CYP46A1: variants seen among roughly 807,000 people sequenced by gnomAD.
The protein encoded by CYP46A1 is cytochrome P450 family 46 subfamily A member 1.
A neutral mutation model predicts 63.3 loss-of-function variants in CYP46A1; 20 were observed. The observed-to-expected ratio is 0.32, with a 90% CI of 0.22 to 0.46. The LOEUF (loss-of-function observed/expected upper bound fraction) is 0.46, where lower values mean the gene tolerates loss of function less well. CYP46A1 is among the 20% of genes least tolerant of loss of function. The pLI, the probability that CYP46A1 is intolerant of heterozygous loss-of-function variation, is 1.00. For synonymous variants in CYP46A1, 268 were observed against 273.6 expected (o/e 0.98, Z 0.20); for missense variants, 445 against 670.8 (o/e 0.66, Z 3.72).
At chr14:99,701,836 A>G (rs36112081) in intron 5 of CYP46A1, among the ~76,000 whole-genome samples, 46,236 of 152,048 alleles carry the variant, frequency 0.3, 7,588 homozygotes, top group South Asian at 0.39. Context: ...TTGGGGGGCC[A>G]AGGCAGGCGG....
chr14:99,699,852 G>A (rs2056615499), intron 4 of CYP46A1, among the ~76,000 whole-genome samples, 163 bp from the exon 5 acceptor site: 1 of 152,106 alleles, frequency 6.6e-6, no homozygotes, highest in Admixed American at 6.6e-5. Flanking sequence ...CACCTTAGAG[G>A]GTACAGTCTA....
chr14:99,691,991 C>G (rs762631689), intron 3 of CYP46A1, 130 bp downstream of exon 3: 1 of 900,874 alleles, frequency 1.1e-6, no homozygotes, highest in Non-Finnish European at 1.7e-6. Flanking sequence ...TCCCAAAGAT[C>G]CAGAAAGGAA....
At chr14:99,703,699 A>C in intron 5 of CYP46A1, 1 of 970,346 alleles carries the variant, frequency 1.0e-6, no homozygotes, top group Non-Finnish European at 1.2e-6. Context: ...TAGTGCTTCC[A>C]TTCATGTCCA....
At position 99,726,766 on chromosome 14, in the gene CYP46A1, C is replaced by A; in HGVS notation, c.*39C>A. 1 of 1,443,790 alleles carries A rather than the reference C, an allele frequency of 6.9e-7. No individual in the cohort carries two copies. The highest frequency in any genetic ancestry group is 9.2e-7 in the Non-Finnish European group (1 of 1,086,886). 89.4% of individuals were successfully genotyped at this position (1,443,790 alleles called of 1,614,324 possible). ...CAGGACGAGACTCCTCGGGCAAGGG[C>A]CGTGCCCGCCCACCTCTGCTGCCCA... On this transcript the variant is annotated 3_prime_UTR_variant, in exon 15 of 15. Coordinates refer to ENST00000261835, the MANE Select transcript of CYP46A1 (RefSeq NM_006668.2).
chr14:99,702,082 A>AAG (rs1338325056), intron 5 of CYP46A1, among the ~76,000 whole-genome samples: 1 of 142,958 alleles, frequency 7.0e-6, no homozygotes, highest in African/African-American at 2.6e-5. Flanking sequence ...AAAAAAAAAA[A>AAG]AAAAAAAAAG....
At chr14:99,703,961 G>A in intron 5 of CYP46A1, 1 of 805,182 alleles carries the variant, frequency 1.2e-6, no homozygotes, top group South Asian at 5.7e-5. Context: ...GGTTGCAAAG[G>A]CCAGCCAAGC....
intron 1 of CYP46A1, among the ~76,000 whole-genome samples, chr14:99,685,195 GTCGGCTGCAT>G (rs1219477483): frequency 6.7e-6 from 1 of 149,834 alleles, no homozygotes. Flanking sequence ...TCTAAATTAA[GTCGGCTGCAT>G]GGCCCGCGAG....
In CYP46A1 at chr14:99,716,062, CAGTT is replaced by C. The variant is rs568500736; in HGVS notation, c.845-69_845-66del. The C allele has an allele frequency of 1.1e-3, 1,801 of 1,610,212 alleles. 3 individuals are homozygous for C. The highest frequency in any genetic ancestry group is 1.4e-3 in the Non-Finnish European group (1,629 of 1,176,534). ...TCTGTTTGGCTTAAGAGGAGAAACA[CAGTT>C]AGTTATTTTATGAGCCATGGGGAAA... On this transcript the variant is annotated intron_variant, in intron 8 of 14. Coordinates refer to ENST00000261835, the MANE Select transcript of CYP46A1 (RefSeq NM_006668.2).
chr14:99,726,964 C>G lies in CYP46A1; in HGVS notation c.*237C>G. On this transcript the variant is annotated 3_prime_UTR_variant, in exon 15 of 15. Coordinates refer to ENST00000261835, the MANE Select transcript of CYP46A1 (RefSeq NM_006668.2). ...CCAACTCCCAGCCACCACCACTGTC[C>G]CTACCACTGAGCCCTTGCACAGGCC... is the stretch of plus-strand genomic sequence containing the variant. 2.4e-6 allele frequency: 1 copy of G among 419,802 alleles called. No individual in the cohort carries two copies. The allele number at this position is 419,802 out of a possible 1,614,324, so 26.0% of individuals were successfully genotyped here.
intron 9 of CYP46A1, 188 bp from the exon 10 acceptor site, chr14:99,717,866 A>T (rs977603195): frequency 3.9e-6 from 2 of 516,354 alleles, no homozygotes; most frequent in Non-Finnish European, 6.9e-6. Flanking sequence ...CTTCTCCAAA[A>T]TGGAGGTGAG....
intron 7 of CYP46A1, chr14:99,712,041 A>G (rs1212876591): frequency 6.6e-6 from 1 of 152,228 alleles, no homozygotes; most frequent in African/African-American, 2.4e-5. Flanking sequence ...AAGCCATATG[A>G]TCATCTCAAT....
intron 5 of CYP46A1, among the ~76,000 whole-genome samples, chr14:99,702,069 CAAA>C (rs71113217): frequency 0.014 from 1,022 of 70,668 alleles, 5 homozygotes; most frequent in African/African-American, 0.055. Context: ...GACTCCATCT[CAAA>C]AAAAAAAAAA....
At chr14:99,718,588 G>T (rs1362928251) in intron 10 of CYP46A1, among the ~76,000 whole-genome samples, 1 of 152,160 alleles carries the variant, frequency 6.6e-6, no homozygotes, top group South Asian at 2.1e-4. Context: ...AGACAAAGGA[G>T]GGTGTCCCTG....
intron 11 of CYP46A1, among the ~76,000 whole-genome samples, 194 bp from the exon 12 acceptor site, chr14:99,721,762 C>T (rs553581671): frequency 1.3e-5 from 2 of 152,224 alleles, no homozygotes; most frequent in African/African-American, 4.8e-5. Flanking sequence ...CTCCCTTCTC[C>T]TTCTGGACCT....
At chr14:99,709,657 A>T (rs961535471) in intron 7 of CYP46A1, 1 of 152,206 alleles carries the variant, frequency 6.6e-6, no homozygotes, top group South Asian at 2.1e-4. Flanking sequence ...AGTCTTGCAA[A>T]AGATATAGAC....
intron 5 of CYP46A1, among the ~76,000 whole-genome samples, chr14:99,702,413 C>T (rs1019133954): frequency 6.6e-6 from 1 of 152,130 alleles, no homozygotes; most frequent in African/African-American, 2.4e-5. Context: ...CTGCTATGAG[C>T]ATTTTTGTAC....
At chr14:99,691,614 G>T in intron 2 of CYP46A1, 166 bp from the exon 3 acceptor site, 1 of 646,882 alleles carries the variant, frequency 1.5e-6, no homozygotes, top group Non-Finnish European at 2.8e-6. Flanking sequence ...GAGCAACAGG[G>T]CAGAGCCTTG....
At chr14:99,695,388 G>A (rs1169151744) in intron 3 of CYP46A1, 4 of 406,706 alleles carry the variant, frequency 9.8e-6, no homozygotes, top group Admixed American at 5.9e-5. Context: ...GGCAAGGAAT[G>A]TTGAACCCTT....
chr14:99,684,577 A>ACTGGGGGC (rs2056473078), intron 1 of CYP46A1, 41 bp downstream of exon 1: 2 of 1,403,740 alleles, frequency 1.4e-6, no homozygotes, highest in Non-Finnish European at 1.9e-6. Context: ...GGGTGCTGGG[A>ACTGGGGGC]CTGGGGGCCT....
Sources: allele counts gnomAD v4.1 joint callset (sites outside exome capture counted in the v4.1 genomes callset), GRCh38; gene constraint gnomAD v4.1.1; transcripts MANE v1.5; gene names NCBI Gene and HGNC (gene_info 2026-07-23, HGNC 2026-07-21).